The following CACNA1A variants were observed in gnomAD, a reference collection of about 807,000 sequenced individuals.
The protein encoded by CACNA1A is calcium voltage-gated channel subunit alpha1 A.
Under a neutral mutation model 262.4 loss-of-function variants are expected in CACNA1A, and 57 were observed. The observed-to-expected ratio is 0.22, with a 90% CI of 0.18 to 0.27. The LOEUF (loss-of-function observed/expected upper bound fraction) is 0.27, where lower values mean the gene tolerates loss of function less well. CACNA1A is among the 10% of genes least tolerant of loss of function. The pLI, the probability that CACNA1A is intolerant of heterozygous loss-of-function variation, is 1.00. For missense variants in CACNA1A, 2,526 were observed against 3,562.8 expected (o/e 0.71, Z 7.41); for synonymous variants, 1,431 against 1,419.3 (o/e 1.01, Z -0.18).
chr19:13,221,762 C>T (rs1006961040), intron 38 of CACNA1A, among the ~76,000 whole-genome samples: 2 of 152,068 alleles, frequency 1.3e-5, no homozygotes, highest in Non-Finnish European at 2.9e-5. Flanking sequence ...CTCCTGAAGC[C>T]GCCCTTTTAA....
chr19:13,465,581 C>T (rs1167651591), intron 1 of CACNA1A, among the ~76,000 whole-genome samples: 1 of 151,930 alleles, frequency 6.6e-6, no homozygotes, highest in Non-Finnish European at 1.5e-5. Flanking sequence ...GCCTCCTGGG[C>T]TCAATCGATC....
chr19:13,307,675 G>A, intron 15 of CACNA1A, 107 bp downstream of exon 15: 1 of 849,428 alleles, frequency 1.2e-6, no homozygotes, highest in Non-Finnish European at 2.0e-6. Context: ...GTGTGAAAAG[G>A]CCAGGTAGAG....
At chr19:13,471,731 A>T (rs1191841059) in intron 1 of CACNA1A, among the ~76,000 whole-genome samples, 1 of 152,142 alleles carries the variant, frequency 6.6e-6, no homozygotes, top group Non-Finnish European at 1.5e-5. Flanking sequence ...GTAAATCCAT[A>T]GAAACAGAAA....
At chr19:13,303,388 G>A (rs911691128) in intron 17 of CACNA1A, 158 bp downstream of exon 17, 1 of 590,448 alleles carries the variant, frequency 1.7e-6, no homozygotes, top group Middle Eastern at 4.6e-4. Flanking sequence ...GGGAGTGGGG[G>A]GAGAGGCGCC....
intron 24 of CACNA1A, among the ~76,000 whole-genome samples, chr19:13,270,892 T>C (rs7254412): frequency 0.88 from 133,308 of 152,244 alleles, 58,592 homozygotes; most frequent in African/African-American, 0.95. Flanking sequence ...GCCAGGATCC[T>C]ACTGGCAAAA....
At chr19:13,284,086 T>C (rs1013048623) in intron 21 of CACNA1A, 27 of 151,668 alleles carry the variant, frequency 1.8e-4, no homozygotes, top group African/African-American at 6.3e-4. Context: ...CAGAGCTGAG[T>C]GGTTAAGAAC....
chr19:13,207,378 G>C lies in CACNA1A; in HGVS notation c.7456C>G (p.Arg2486Gly). ...YYPAHGLARP[R>G]GPGSRKGLHE... ...AGGCCCTTCCTGGAGCCCGGCCCGCGGGGCCTGGCCAGTCCGTGCGCCGGG... is the reference window on the plus strand; with the variant it reads ...AGGCCCTTCCTGGAGCCCGGCCCGCCGGGCCTGGCCAGTCCGTGCGCCGGG... Residue 2486 changes from arginine to glycine, a missense_variant, in exon 47 of 47, where the codon CGC becomes GGC. By Grantham distance (125) the Arg-to-Gly change is moderately radical. This residue lies in a region of CACNA1A where 929 missense variants were observed against 868.1 expected (regional missense o/e 1.07). Coordinates refer to ENST00000360228, the MANE Select transcript of CACNA1A (RefSeq NM_001127222.2). This position sits in a 1 kb window ranked among gnomAD's most constrained non-coding sequence, Gnocchi z 5.7. 6.5e-7 allele frequency: 1 copy of C among 1,546,792 alleles called. No individual in the cohort carries two copies. Among genetic ancestry groups the C allele is most frequent in the Non-Finnish European group, 8.7e-7 (1 of 1,152,912 alleles).
chr19:13,256,924 G>A (rs1292022627), intron 28 of CACNA1A: 1 of 157,656 alleles, frequency 6.3e-6, no homozygotes, highest in African/African-American at 2.4e-5. Flanking sequence ...TGTAATTTTT[G>A]AGCACAAGCC....
intron 6 of CACNA1A, among the ~76,000 whole-genome samples, chr19:13,342,675 T>C (rs1207965808): frequency 6.6e-6 from 1 of 152,194 alleles, no homozygotes; most frequent in Non-Finnish European, 1.5e-5. Flanking sequence ...AGCCAGAGCA[T>C]TGAACTTTCA....
intron 34 of CACNA1A, 80 bp from the exon 35 acceptor site, chr19:13,231,940 A>G: frequency 6.9e-7 from 1 of 1,445,222 alleles, no homozygotes; most frequent in Non-Finnish European, 9.4e-7. Flanking sequence ...TGGAGCACAC[A>G]CGTTGAGCAC....
At chr19:13,313,191 A>T (rs1018680407) in intron 11 of CACNA1A, among the ~76,000 whole-genome samples, 2 of 152,036 alleles carry the variant, frequency 1.3e-5, no homozygotes, top group Non-Finnish European at 2.9e-5. Flanking sequence ...CATGGGCCTC[A>T]GTTTCCCCTC....
At position 13,214,645 on chromosome 19, in the gene CACNA1A, C is replaced by T; in HGVS notation, c.5732-37G>A. The T allele has an allele frequency of 6.5e-7, 1 of 1,531,642 alleles. No individual in the cohort carries two copies. The highest frequency in any genetic ancestry group is 9.0e-7 in the Non-Finnish European group (1 of 1,110,892). 94.9% of individuals were successfully genotyped at this position (1,531,642 alleles called of 1,614,324 possible). A position where few individuals can be genotyped will look rare whatever the true frequency, so the allele number is the denominator to read the frequency against. The stretch of plus-strand genomic sequence containing the variant: ...GTGTAGACAGACCCTGACTGCCTGC[C>T]TGGGTGTCAGCTGGACTCTGGGTCA... On this transcript the variant is annotated intron_variant, in intron 38 of 46. Coordinates refer to ENST00000360228, the MANE Select transcript of CACNA1A (RefSeq NM_001127222.2). The surrounding 1 kb of genome is among the most constrained non-coding windows in gnomAD (Gnocchi z 4.1).
At chr19:13,400,051 C>T (rs181061856) in intron 3 of CACNA1A, among the ~76,000 whole-genome samples, 3 of 152,206 alleles carry the variant, frequency 2.0e-5, no homozygotes, top group African/African-American at 7.2e-5. Context: ...AAGTCAGCAC[C>T]CATCAGAAGT....
intron 38 of CACNA1A, among the ~76,000 whole-genome samples, chr19:13,220,780 C>T (rs1163554069): frequency 6.6e-6 from 1 of 152,120 alleles, no homozygotes; most frequent in African/African-American, 2.4e-5. Context: ...TGCACATCAC[C>T]ACACCTGGCT....
chr19:13,303,682 T>A, intron 16 of CACNA1A, 69 bp from the exon 17 acceptor site: 1 of 1,553,930 alleles, frequency 6.4e-7, no homozygotes, highest in Non-Finnish European at 8.9e-7. Context: ...TATCTGGGTC[T>A]CTCAGTACCC....
intron 24 of CACNA1A, chr19:13,271,214 G>GTTTTTTTTGTTTTTTTTGTTTTT (rs2057009117): frequency 5.0e-5 from 4 of 80,432 alleles, no homozygotes; most frequent in African/African-American, 2.1e-4. Flanking sequence ...TCATTCTGCT[G>GTTTTTTTTGTTTTTTTTGTTTTT]TTTTTTTTTT....
chr19:13,372,078 C>T (rs1317672708), intron 3 of CACNA1A, among the ~76,000 whole-genome samples: 2 of 152,088 alleles, frequency 1.3e-5, no homozygotes, highest in African/African-American at 4.8e-5. Flanking sequence ...GTATATTTCA[C>T]AACCTACAAT....
At chr19:13,418,781 G>A (rs1395011740) in intron 3 of CACNA1A, among the ~76,000 whole-genome samples, 3 of 152,210 alleles carry the variant, frequency 2.0e-5, no homozygotes, top group Non-Finnish European at 4.4e-5. Flanking sequence ...ACAGTCATGT[G>A]CTACATAACG....
chr19:13,285,318 T>A, intron 20 of CACNA1A, 112 bp from the exon 21 acceptor site: 1 of 1,160,176 alleles, frequency 8.6e-7, no homozygotes, highest in Non-Finnish European at 1.2e-6. Flanking sequence ...CTAAAGTGCC[T>A]GCTGTATATA....
Sources: allele counts gnomAD v4.1 joint callset (sites outside exome capture counted in the v4.1 genomes callset), GRCh38; gene constraint gnomAD v4.1.1; regional missense constraint gnomAD v4.1.1; non-coding constraint Gnocchi (gnomAD v3.1); transcripts MANE v1.5; gene names NCBI Gene and HGNC (gene_info 2026-07-23, HGNC 2026-07-21).